The following DAZL variants were observed in gnomAD, a reference collection of about 807,000 sequenced individuals.
DAZL encodes the protein deleted in azoospermia-like.
In DAZL, 4 loss-of-function variants were observed where a neutral mutation model predicts 45.0. That is an observed-to-expected ratio of 0.09 (90% CI 0.04 to 0.20). The LOEUF is 0.20. Among genes scored for constraint, DAZL ranks in the 10% least tolerant of loss-of-function variants. The pLI is 1.00. For missense variants in DAZL, 326 were observed against 351.3 expected, an observed-to-expected ratio of 0.93 and a Z score of 0.58; for synonymous variants, 122 against 112.4, an observed-to-expected ratio of 1.09 and a Z score of -0.54.
chr3:16,589,235 A>C (rs1694482852), intron 10 of DAZL, among the ~76,000 whole-genome samples: 2 of 152,176 alleles, frequency 1.3e-5, no homozygotes, highest in African/African-American at 4.8e-5. Flanking sequence ...AAAAAATTTA[A>C]ATACATGCAA....
Position 16,593,675 on chromosome 3 carries a change from A to T in DAZL, c.715T>A (p.Ser239Thr). ...ECSVHEATPP[S>T]GNGPQKKSVD... is the part of the protein sequence containing the mutation. ...TTTGCCTTTTGTGGGCCATTTCCAGAGGGTGGAGTAGCTTCATGAACTGAA... is the reference window on the plus strand; with the variant it reads ...TTTGCCTTTTGTGGGCCATTTCCAGTGGGTGGAGTAGCTTCATGAACTGAA... Residue 239 changes from serine to threonine, a missense_variant, in exon 9 of 11, where the codon TCT (serine) becomes ACT (threonine). By Grantham distance (58) the Ser-to-Thr change is moderately conservative. Coordinates refer to ENST00000399444, the MANE Select transcript of DAZL (RefSeq NM_001351.4). 1 of 1,609,348 alleles carries T rather than the reference A, an allele frequency of 6.2e-7. No homozygotes were observed. The highest frequency in any genetic ancestry group is 8.5e-7 in the Non-Finnish European group (1 of 1,177,064).
chr3:16,592,284 T>C (rs974777773), intron 9 of DAZL, 136 bp from the exon 10 acceptor site: 1 of 1,348,918 alleles, frequency 7.4e-7, no homozygotes, highest in Non-Finnish European at 1.0e-6. Context: ...AGACTGGGAG[T>C]GGTGGCTCAC....
chr3:16,598,470 A>C lies in DAZL; in HGVS notation c.132T>G (p.Val44=), dbSNP rs750844230. ...ACAATACCCTAACATCAATTCCTCC[A>C]ACAAAAACAGTGTTTGGCATGATTT... ...EGKIMPNTVF[V]GGIDVRMDET... Residue 44 remains valine (V), a synonymous_variant, in exon 2 of 11, where the codon GTT becomes GTG. Transcript: ENST00000399444. 1.2e-6 allele frequency: 2 copies of C among 1,608,896 alleles called. No individual in the cohort carries two copies. The highest frequency in any genetic ancestry group is 1.7e-6 in the Non-Finnish European group (2 of 1,177,816).
At chr3:16,604,575 G>A (rs1426896193) in intron 1 of DAZL, 5 of 1,422,378 alleles carry the variant, frequency 3.5e-6, no homozygotes, top group Non-Finnish European at 4.6e-6. Flanking sequence ...CAGCTACAGG[G>A]CCATGCCTTC....
Position 16,597,490 on chromosome 3 carries a change from T to G in DAZL, c.294A>C (p.Glu98Asp). Residue 98 changes from glutamate (E) to aspartate (D), a missense_variant and splice_region_variant, in exon 4 of 11, where the codon GAA becomes GAC. Physicochemically the swap from Glu to Asp is conservative, Grantham distance 45. This residue lies in a region of DAZL where 18 missense variants were observed against 45.0 expected (regional missense o/e 0.40). Coordinates refer to ENST00000399444, the MANE Select transcript of DAZL (RefSeq NM_001351.4). Reference sequence around the variant, plus strand: ...GAGATTTTTCTATTAGATTACTTACTTCTACTATCTTCTGCACATCCACGT... The same window carrying G: ...GAGATTTTTCTATTAGATTACTTACGTCTACTATCTTCTGCACATCCACGT... ...FNDVDVQKIV[E>D]SQINFHGKKL... 1 of 1,526,426 alleles carries G rather than the reference T, an allele frequency of 6.6e-7. No individual in the cohort carries two copies. The highest frequency in any genetic ancestry group is 9.1e-7 in the Non-Finnish European group (1 of 1,100,602). 94.6% of individuals were successfully genotyped at this position (1,526,426 alleles called of 1,614,324 possible). A position where few individuals can be genotyped will look rare whatever the true frequency, so the allele number is the denominator to read the frequency against.
In DAZL at chr3:16,595,383, T is replaced by C. The variant is rs955366543; in HGVS notation, c.501A>G (p.Ala167=). The change falls in exon 7 of 11, where the codon GCA becomes GCG. Residue 167 remains alanine, a splice_region_variant and synonymous_variant. Coordinates refer to ENST00000399444, the MANE Select transcript of DAZL (RefSeq NM_001351.4). The stretch of plus-strand genomic sequence containing the variant: ...CTGGTGAATTTGGGTAAGTAGGATA[T>C]GCCTGAAAATCAAGTTTACAGAAAG... The part of the protein sequence containing the change: ...TMNPITQYVQ[A]YPTYPNSPVQ... 38 of 1,562,542 alleles carry C rather than the reference T, an allele frequency of 2.4e-5. No homozygotes were observed. The highest frequency in any genetic ancestry group is 3.2e-5 in the Non-Finnish European group (36 of 1,141,998).
rs1694740654 is a variant in DAZL at position 16,604,376 on chromosome 3, G to C, written c.3+827C>G. 82 of 1,370,508 alleles carry C rather than the reference G, an allele frequency of 6.0e-5. No homozygotes were observed. In the South Asian group the frequency reaches 1.0e-3, roughly 17 times the overall value. 84.9% of individuals were successfully genotyped at this position (1,370,508 alleles called of 1,614,324 possible). A position where few individuals can be genotyped will look rare whatever the true frequency, so the allele number is the denominator to read the frequency against. ...GTCAAAGGATCCTGGTTTATCGAGA[G>C]GGAAAAAACCGTACCCAGAATTTAA... On this transcript the variant is annotated intron_variant, in intron 1 of 10. Transcript: ENST00000399444.
At chr3:16,590,528 C>T (rs1227796978) in intron 10 of DAZL, among the ~76,000 whole-genome samples, 1 of 152,090 alleles carries the variant, frequency 6.6e-6, no homozygotes, top group Non-Finnish European at 1.5e-5. Context: ...AATTCCATTC[C>T]CAAGTATATA....
chr3:16,594,500 A>G, intron 8 of DAZL, 33 bp downstream of exon 8: 1 of 1,512,860 alleles, frequency 6.6e-7, no homozygotes, highest in African/African-American at 1.4e-5. Flanking sequence ...CTTTAAAATA[A>G]CAGGAATTAT....
chr3:16,605,385 C>G lies in DAZL; in HGVS notation c.-180G>C, dbSNP rs1412684019. 5 of 744,916 alleles carry G rather than the reference C, an allele frequency of 6.7e-6. No homozygotes were observed. The highest frequency in any genetic ancestry group is 6.3e-5 in the South Asian group (4 of 63,144). The allele number at this position is 744,916 out of a possible 1,614,324, so 46.1% of individuals were successfully genotyped here. ...AGCGGGTGACAAGGCTGAGGAGCCC[C>G]GAAAGGCGGACCGTCAGGCTGAGGA... is the stretch of plus-strand genomic sequence containing the variant. On this transcript the variant is annotated 5_prime_UTR_variant, in exon 1 of 11. Transcript: ENST00000399444.
chr3:16,598,472 C>G lies in DAZL; in HGVS notation c.130G>C (p.Val44Leu). ...EGKIMPNTVF[V>L]GGIDVRMDET... ...AATACCCTAACATCAATTCCTCCAA[C>G]AAAAACAGTGTTTGGCATGATTTTG... Residue 44 changes from valine to leucine, a missense_variant, in exon 2 of 11, where the codon GTT becomes CTT. Val to Leu is a conservative substitution (Grantham distance 32). Around this residue, in one of 3 missense-constraint regions of DAZL, gnomAD observed 81 missense variants for 89.6 expected, o/e 0.90. Transcript: ENST00000399444. 1.2e-6 allele frequency: 2 copies of G among 1,609,014 alleles called. No individual in the cohort carries two copies. The highest frequency in any genetic ancestry group is 1.7e-6 in the Non-Finnish European group (2 of 1,177,956).
Position 16,605,238 on chromosome 3 carries a change from C to G in DAZL, c.-33G>C, listed in dbSNP as rs9847342. 1,483,418 of 1,613,954 alleles carry G rather than the reference C, an allele frequency of 0.92. 682,553 individuals carry two copies. Among genetic ancestry groups the G allele is most frequent in the East Asian group, 1 (44,861 of 44,868 alleles). On this transcript the variant is annotated 5_prime_UTR_variant, in exon 1 of 11. Coordinates refer to ENST00000399444, the MANE Select transcript of DAZL (RefSeq NM_001351.4). Reference sequence around the variant, plus strand: ...GCAGGCAGCAGTTCCCGACCGGCTCCAGGAGGAGCAGAGGCTGTGCTTGGC... The same window carrying G: ...GCAGGCAGCAGTTCCCGACCGGCTCGAGGAGGAGCAGAGGCTGTGCTTGGC...
rs570944548 is a variant in DAZL at position 16,604,770 on chromosome 3, G to C, written c.3+433C>G. The C allele has an allele frequency of 1.3e-4, 173 of 1,357,260 alleles. 1 individual carries two copies. The East Asian group carries it at 2.6e-3, about 21-fold the overall frequency. 84.1% of individuals were successfully genotyped at this position (1,357,260 alleles called of 1,614,324 possible). A position where few individuals can be genotyped will look rare whatever the true frequency, so the allele number is the denominator to read the frequency against. On this transcript the variant is annotated intron_variant, in intron 1 of 10. Transcript: ENST00000399444. ...AGAGCGCGCCAGAAATGAGGCTGGC[G>C]GGGCGGAGGCGCGTGGGAGTGGGGG...
chr3:16,603,249 G>GCT (rs1694719679), intron 1 of DAZL, among the ~76,000 whole-genome samples: 1 of 152,164 alleles, frequency 6.6e-6, no homozygotes, highest in Non-Finnish European at 1.5e-5. Flanking sequence ...TGTTACCAAA[G>GCT]GGGTAAAGCG....
At chr3:16,593,025 T>C (rs1694544563) in intron 9 of DAZL, among the ~76,000 whole-genome samples, 7 of 151,920 alleles carry the variant, frequency 4.6e-5, no homozygotes. Flanking sequence ...TGTTGGGAAC[T>C]ACTGCCATAT....
intron 4 of DAZL, among the ~76,000 whole-genome samples, 169 bp from the exon 5 acceptor site, chr3:16,597,220 A>C (rs1694613981): frequency 6.6e-6 from 1 of 152,080 alleles, no homozygotes; most frequent in Non-Finnish European, 1.5e-5. Context: ...TTATTTCTCT[A>C]ATCAGTGTCA....
In DAZL at chr3:16,593,750, A is replaced by G. The variant is rs1385997659; in HGVS notation, c.640T>C (p.Tyr214His). ...VVPPAYSAVNYHCNEVDPGAE... is the reference protein window; with the variant it reads ...VVPPAYSAVNHHCNEVDPGAE... ...CCTGGATCAACTTCATTACAGTGGT[A>G]GTTAACAGCTGAATAAGCCTATATT... Residue 214 changes from tyrosine (Y) to histidine (H), a missense_variant, in exon 9 of 11, where the codon TAC (tyrosine) becomes CAC (histidine). Transcript: ENST00000399444. 6 of 1,609,588 alleles carry G rather than the reference A, an allele frequency of 3.7e-6. No homozygotes were observed. The highest frequency in any genetic ancestry group is 5.1e-6 in the Non-Finnish European group (6 of 1,176,478).
intron 7 of DAZL, 146 bp downstream of exon 7, chr3:16,595,168 G>C (rs906225397): frequency 1.6e-5 from 8 of 510,442 alleles, no homozygotes; most frequent in African/African-American, 1.6e-4. Flanking sequence ...ATAATAAAGA[G>C]GTCTTAATTC....
chr3:16,596,597 T>A (rs1328113046), intron 6 of DAZL, among the ~76,000 whole-genome samples, 153 bp downstream of exon 6: 1 of 152,076 alleles, frequency 6.6e-6, no homozygotes, highest in Non-Finnish European at 1.5e-5. Flanking sequence ...ACACTAAGAA[T>A]AAGAAATTTC....
Sources: gnomAD v4.1 joint callset for allele counts (sites outside exome capture counted in the v4.1 genomes callset) on GRCh38, gnomAD v4.1.1 for gene constraint, gnomAD v4.1.1 regional missense constraint, MANE v1.5 for transcripts, NCBI Gene and HGNC (gene_info 2026-07-23, HGNC 2026-07-21) for gene names.